MALRD1: variants seen among roughly 807,000 people sequenced by gnomAD.
MALRD1 encodes the protein MAM and LDL-receptor class A domain-containing protein 1.
A neutral mutation model predicts 242.1 loss-of-function variants in MALRD1; 247 were observed. That is an observed-to-expected ratio of 1.02 (90% CI 0.92 to 1.13). The LOEUF is 1.13. Ranked by LOEUF, MALRD1 falls within the 50% of genes most tolerant of loss-of-function variation. The pLI is 0.00. For missense variants in MALRD1, 2,989 were observed against 2,533.1 expected, an observed-to-expected ratio of 1.18 and a Z score of -3.86; for synonymous variants, 995 against 866.6, an observed-to-expected ratio of 1.15 and a Z score of -2.60.
intron 38 of MALRD1, among the ~76,000 whole-genome samples, chr10:19,727,977 G>A (rs746962388): frequency 6.6e-6 from 1 of 152,146 alleles, no homozygotes; most frequent in African/African-American, 2.4e-5. Flanking sequence ...AATGTATAGA[G>A]TGACACTAGC....
chr10:19,104,019 A>G lies in MALRD1; in HGVS notation c.638A>G (p.Asp213Gly). 4.9e-6 allele frequency: 6 copies of G among 1,233,824 alleles called. No homozygotes were observed. Among genetic ancestry groups the G allele is most frequent in the Non-Finnish European group, 6.1e-6 (6 of 988,096 alleles). 76.4% of individuals were successfully genotyped at this position (1,233,824 alleles called of 1,614,324 possible). Residue 213 changes from aspartate (D) to glycine (G), a missense_variant, in exon 5 of 40, where the codon GAT (aspartate) becomes GGT (glycine). Asp to Gly is a moderately conservative substitution (Grantham distance 94). Coordinates refer to ENST00000454679, the MANE Select transcript of MALRD1 (RefSeq NM_001142308.3). ...EGQMASTYEQ[D>G]EVIAIDDISF... ...CAAATGGCTTCAACGTATGAACAGG[A>G]TGAAGTCATTGCTATTGATGATATA...
At chr10:19,257,388 A>G (rs72796424) in intron 18 of MALRD1, among the ~76,000 whole-genome samples, 13,326 of 152,144 alleles carry the variant, frequency 0.088, 660 homozygotes, top group Middle Eastern at 0.12. Context: ...CTAATGGCTG[A>G]AAGTTATAGG....
chr10:19,150,250 C>G (rs1466441202), intron 11 of MALRD1, among the ~76,000 whole-genome samples: 1 of 152,042 alleles, frequency 6.6e-6, no homozygotes, highest in Non-Finnish European at 1.5e-5. Flanking sequence ...TTTTTGCACT[C>G]TGGTTGGTGA....
intron 18 of MALRD1, among the ~76,000 whole-genome samples, chr10:19,238,535 T>G (rs559795905): frequency 1.4e-5 from 1 of 69,858 alleles, no homozygotes; most frequent in African/African-American, 5.2e-5. Flanking sequence ...TAATATACAT[T>G]ATATATAATA....
chr10:19,390,432 G>C (rs1166867605), intron 28 of MALRD1, among the ~76,000 whole-genome samples: 1 of 152,158 alleles, frequency 6.6e-6, no homozygotes, highest in African/African-American at 2.4e-5. Flanking sequence ...GGATTAATTG[G>C]ATGTTTCTGT....
intron 12 of MALRD1, among the ~76,000 whole-genome samples, chr10:19,162,195 C>T (rs1834460414): frequency 6.6e-6 from 1 of 152,084 alleles, no homozygotes; most frequent in East Asian, 1.9e-4. Flanking sequence ...TTTTCTTTTG[C>T]CACTCTTCCT....
chr10:19,143,739 C>A (rs1461276880), intron 10 of MALRD1, among the ~76,000 whole-genome samples: 1 of 152,148 alleles, frequency 6.6e-6, no homozygotes, highest in Non-Finnish European at 1.5e-5. Context: ...AACTTTGAAG[C>A]ACATTTCAGA....
Position 19,226,581 on chromosome 10 carries a change from A to G in MALRD1, c.2991+16901A>G, listed in dbSNP as rs567191795. On this transcript the variant is annotated intron_variant, in intron 18 of 39. Transcript: ENST00000454679. ...TTCAGTGGAATTCCCATGAAACCTT[A>G]TAGGTCCTTTTGGATAAATTACAAA... Among the ~76,000 whole-genome samples, 40 of 152,240 alleles carry G rather than the reference A, an allele frequency of 2.6e-4. No homozygotes were observed. The South Asian group carries it at 8.1e-3, about 31-fold the overall frequency.
At chr10:19,238,013 A>C (rs368774603) in intron 18 of MALRD1, among the ~76,000 whole-genome samples, 63 of 41,358 alleles carry the variant, frequency 1.5e-3, no homozygotes, top group Non-Finnish European at 2.1e-3. Context: ...ATATATAATT[A>C]TATGTAATTT....
intron 36 of MALRD1, among the ~76,000 whole-genome samples, chr10:19,660,365 T>G (rs1376086600): frequency 1.3e-5 from 2 of 152,306 alleles, no homozygotes; most frequent in Middle Eastern, 6.8e-3. Flanking sequence ...AAACCAAACC[T>G]ATTCAAACCT....
At chr10:19,419,016 C>G (rs1833616003) in intron 28 of MALRD1, among the ~76,000 whole-genome samples, 1 of 152,134 alleles carries the variant, frequency 6.6e-6, no homozygotes, top group Non-Finnish European at 1.5e-5. Context: ...TATTCAAAAT[C>G]ATTTGGTGGT....
chr10:19,686,946 C>T (rs1842607304), intron 36 of MALRD1, among the ~76,000 whole-genome samples: 1 of 151,860 alleles, frequency 6.6e-6, no homozygotes. Flanking sequence ...CCCATAAAAG[C>T]TCAAAATACA....
chr10:19,195,313 C>T (rs144218111), intron 14 of MALRD1, among the ~76,000 whole-genome samples: 1 of 152,252 alleles, frequency 6.6e-6, no homozygotes, highest in East Asian at 1.9e-4. Context: ...CTAGGTTTTC[C>T]TCAGCTTCCT....
intron 39 of MALRD1, among the ~76,000 whole-genome samples, 172 bp from the exon 40 acceptor site, chr10:19,733,985 A>G (rs1192943177): frequency 2.0e-5 from 3 of 152,116 alleles, no homozygotes; most frequent in Non-Finnish European, 4.4e-5. Flanking sequence ...GGCTTGTGTC[A>G]GAAACTCAAG....
In MALRD1 at chr10:19,424,613, G is replaced by T. The variant is rs576188030; in HGVS notation, c.4846-25694G>T. Among the ~76,000 whole-genome samples the T allele has an allele frequency of 3.9e-5, 6 of 152,260 alleles. No homozygotes were observed. In the South Asian group the frequency reaches 1.2e-3, roughly 32 times the overall value. On this transcript the variant is annotated intron_variant, in intron 28 of 39. Coordinates refer to ENST00000454679, the MANE Select transcript of MALRD1 (RefSeq NM_001142308.3). ...AAAATCAGAACTAAAGTAATTTTCA[G>T]TGTTACAATTAAAATATTACATAAA...
intron 36 of MALRD1, among the ~76,000 whole-genome samples, chr10:19,671,119 C>T (rs1361341668): frequency 6.6e-6 from 1 of 151,860 alleles, no homozygotes; most frequent in Non-Finnish European, 1.5e-5. Flanking sequence ...CAATGATTTT[C>T]TAAAAGATAT....
At chr10:19,502,066 A>G (rs1251198735) in intron 31 of MALRD1, among the ~76,000 whole-genome samples, 1 of 151,816 alleles carries the variant, frequency 6.6e-6, no homozygotes, top group Non-Finnish European at 1.5e-5. Context: ...AGCAAGTAAC[A>G]GGAACTGTAC....
At position 19,238,509 on chromosome 10, in the gene MALRD1, T is replaced by C. The variant is rs1040393459; in HGVS notation, c.2992-19175T>C. Among the ~76,000 whole-genome samples the C allele has an allele frequency of 3.7e-3, 166 of 44,418 alleles. 14 individuals carry two copies. The highest frequency in any genetic ancestry group is 0.02 in the African/African-American group (156 of 7,728). The allele number at this position is 44,418 out of a possible 152,430, so 29.1% of individuals were successfully genotyped here. The stretch of plus-strand genomic sequence containing the variant: ...TATATATAATATATAATATAATATA[T>C]AATGTATATTATATATAATATACAT... On this transcript the variant is annotated intron_variant, in intron 18 of 39. Coordinates refer to ENST00000454679, the MANE Select transcript of MALRD1 (RefSeq NM_001142308.3).
At chr10:19,558,438 A>G (rs183448933) in intron 32 of MALRD1, among the ~76,000 whole-genome samples, 10 of 152,274 alleles carry the variant, frequency 6.6e-5, no homozygotes, top group Non-Finnish European at 8.8e-5. Flanking sequence ...AACAGTTGTC[A>G]TCATGAATGG....
Sources: gnomAD v4.1 joint callset for allele counts (sites outside exome capture counted in the v4.1 genomes callset) on GRCh38, gnomAD v4.1.1 for gene constraint, MANE v1.5 for transcripts, NCBI Gene and HGNC (gene_info 2026-07-23, HGNC 2026-07-21) for gene names.